SOX5: variants seen among roughly 807,000 people sequenced by gnomAD.
SOX5 encodes transcription factor SOX-5.
SOX5 carries 9 observed loss-of-function variants against 92.0 expected under a neutral mutation model. That is an observed-to-expected ratio of 0.10 (90% CI 0.06 to 0.17). The LOEUF (loss-of-function observed/expected upper bound fraction) is 0.17. Ranked by LOEUF, SOX5 falls within the 10% of genes least tolerant of loss-of-function variation. The pLI, the probability that SOX5 is intolerant of heterozygous loss-of-function variation, is 1.00. For missense variants in SOX5, 642 were observed against 944.5 expected (o/e 0.68, Z 4.20); for synonymous variants, 344 against 336.3 (o/e 1.02, Z -0.25).
chr12:23,827,396 A>G (rs928269600), intron 3 of SOX5, among the ~76,000 whole-genome samples: 1 of 152,224 alleles, frequency 6.6e-6, no homozygotes, highest in African/African-American at 2.4e-5. Flanking sequence ...AGAGACAAAC[A>G]AAAGGATAAA....
intron 1 of SOX5, among the ~76,000 whole-genome samples, chr12:24,480,228 A>G (rs1361405041): frequency 6.6e-6 from 1 of 152,202 alleles, no homozygotes; most frequent in Non-Finnish European, 1.5e-5. Flanking sequence ...AATGAAACCT[A>G]GATCCCTCTT....
At chr12:23,780,713 T>G (rs1424079996) in intron 3 of SOX5, among the ~76,000 whole-genome samples, 3 of 152,104 alleles carry the variant, frequency 2.0e-5, no homozygotes, top group Non-Finnish European at 4.4e-5. Context: ...GCAATTAATT[T>G]GATCACATTT....
At chr12:24,451,811 A>G (rs1392768015) in intron 1 of SOX5, among the ~76,000 whole-genome samples, 1 of 152,228 alleles carries the variant, frequency 6.6e-6, no homozygotes, top group Non-Finnish European at 1.5e-5. Context: ...TAGGGTTAGT[A>G]TAAACATTGA....
chr12:24,086,484 G>C (rs996061434), intron 4 of SOX5, among the ~76,000 whole-genome samples: 1 of 151,748 alleles, frequency 6.6e-6, no homozygotes, highest in African/African-American at 2.4e-5. Flanking sequence ...TAAATAATGA[G>C]GGGCAGGGGG....
intron 1 of SOX5, among the ~76,000 whole-genome samples, chr12:24,499,061 T>C (rs1274702829): frequency 2.0e-5 from 3 of 152,242 alleles, no homozygotes; most frequent in Non-Finnish European, 1.5e-5. Context: ...ATGCTCTCCC[T>C]GCACCCTTCA....
intron 2 of SOX5, among the ~76,000 whole-genome samples, chr12:23,852,604 T>G (rs1225028501): frequency 2.6e-5 from 4 of 152,144 alleles, no homozygotes; most frequent in Non-Finnish European, 5.9e-5. Context: ...AAATGTTAGT[T>G]TAGGCTTTTA....
At chr12:24,144,009 A>G (rs1950838696) in intron 4 of SOX5, among the ~76,000 whole-genome samples, 1 of 152,178 alleles carries the variant, frequency 6.6e-6, no homozygotes, top group Non-Finnish European at 1.5e-5. Flanking sequence ...CATAAAATGA[A>G]GAAAATTATA....
chr12:24,084,431 T>G (rs936054555), intron 4 of SOX5, among the ~76,000 whole-genome samples: 9 of 152,220 alleles, frequency 5.9e-5, no homozygotes, highest in African/African-American at 1.9e-4. Context: ...ATATCTTGAG[T>G]ATCTCTCCAA....
chr12:24,093,282 G>T lies in SOX5; in HGVS notation c.-2+120061C>A, dbSNP rs533785716. 2.0e-4 allele frequency among the ~76,000 whole-genome samples: 31 copies of T among 152,188 alleles called. No individual in the cohort carries two copies. In the South Asian group the frequency reaches 6.4e-3, roughly 32 times the overall value. On this transcript the variant is annotated intron_variant, in intron 4 of 4. Coordinates refer to the SOX5 transcript ENST00000446891. ...CACACCTGTAATCCCAGCACTTTGG[G>T]AGGCCGAGGCGGGCAGATCACGAGG...
intron 4 of SOX5, among the ~76,000 whole-genome samples, chr12:24,069,634 A>T (rs1405978032): frequency 1.3e-5 from 2 of 152,190 alleles, no homozygotes; most frequent in Non-Finnish European, 2.9e-5. Flanking sequence ...CCCATCCATC[A>T]TATTACACAT....
chr12:23,930,408 C>A (rs915082929), intron 1 of SOX5, among the ~76,000 whole-genome samples: 1 of 151,508 alleles, frequency 6.6e-6, no homozygotes, highest in South Asian at 2.1e-4. Context: ...AGTAAACCTA[C>A]AAAAGAAAGC....
At chr12:23,883,921 C>T (rs4963728) in intron 2 of SOX5, among the ~76,000 whole-genome samples, 30,960 of 152,084 alleles carry the variant, frequency 0.2, 4,295 homozygotes, top group East Asian at 0.7. Flanking sequence ...AATGATCTTT[C>T]AATGACAAGA....
chr12:24,168,922 C>T (rs1953743001), intron 4 of SOX5, among the ~76,000 whole-genome samples: 1 of 151,762 alleles, frequency 6.6e-6, no homozygotes, highest in East Asian at 1.9e-4. Flanking sequence ...GTATGCTATC[C>T]CTATCACAAC....
At chr12:24,401,352 AG>A (rs67163960) in intron 1 of SOX5, among the ~76,000 whole-genome samples, 30,440 of 132,128 alleles carry the variant, frequency 0.23, 3,458 homozygotes, top group Non-Finnish European at 0.25. Flanking sequence ...ACTCCATCTC[AG>A]GGGAAAAAAA....
intron 6 of SOX5, among the ~76,000 whole-genome samples, chr12:23,693,834 CAG>C (rs1443951496): frequency 6.6e-6 from 1 of 152,244 alleles, no homozygotes; most frequent in South Asian, 2.1e-4. Flanking sequence ...TTATTTTTCA[CAG>C]AGACTTAGAA....
chr12:24,016,153 G>A lies in SOX5; in HGVS notation c.-1-120129C>T, dbSNP rs1459851460. 3.3e-5 allele frequency among the ~76,000 whole-genome samples: 5 copies of A among 152,260 alleles called. No individual in the cohort carries two copies. In the East Asian group the frequency reaches 5.8e-4, roughly 18 times the overall value. ...CAAGATTTCACATTTTGCTACACAG[G>A]AGCAATTTGTCACTAGTGACAGGAG... On this transcript the variant is annotated intron_variant, in intron 4 of 4. Coordinates refer to the SOX5 transcript ENST00000446891.
chr12:24,190,439 T>C (rs1956411012), intron 4 of SOX5, among the ~76,000 whole-genome samples: 1 of 152,094 alleles, frequency 6.6e-6, no homozygotes, highest in Admixed American at 6.5e-5. Context: ...TATACGGAGG[T>C]CTCCTCTCTT....
In SOX5 at chr12:23,690,434, CACATT is replaced by C. The variant is rs551332774; in HGVS notation, c.811-24875_811-24871del. 8.0e-3 allele frequency among the ~76,000 whole-genome samples: 1,219 copies of C among 152,224 alleles called. 14 individuals carry two copies. Among genetic ancestry groups the C allele is most frequent in the Middle Eastern group, 0.017 (5 of 294 alleles). The stretch of plus-strand genomic sequence containing the variant: ...CTTACACGCCAGACATTGTTAGACA[CACATT>C]ACAAAGACATGGTCTAATCAATTAA... On this transcript the variant is annotated intron_variant, in intron 6 of 14. Coordinates refer to ENST00000451604, the MANE Select transcript of SOX5 (RefSeq NM_006940.6).
intron 3 of SOX5, among the ~76,000 whole-genome samples, chr12:23,839,990 C>CAAA (rs142394109): frequency 1.6e-5 from 2 of 121,858 alleles, no homozygotes; most frequent in African/African-American, 6.3e-5. Context: ...CTCAAGAAGA[C>CAAA]AAAAAAAAAA....
Sources: gnomAD v4.1 joint callset for allele counts (sites outside exome capture counted in the v4.1 genomes callset) on GRCh38, gnomAD v4.1.1 for gene constraint, MANE v1.5 for transcripts, NCBI Gene and HGNC (gene_info 2026-07-23, HGNC 2026-07-21) for gene names.